ANO2: variants seen among roughly 807,000 people sequenced by gnomAD.
ANO2 encodes the protein anoctamin 2.
ANO2 carries 101 observed loss-of-function variants against 124.2 expected under a neutral mutation model. That is an observed-to-expected ratio of 0.81 (90% CI 0.69 to 0.96). The LOEUF is 0.96. Among genes scored for constraint, ANO2 ranks in the 40% least tolerant of loss-of-function variants. ANO2 has a pLI of 0.00. For missense variants in ANO2, 1,293 were observed against 1,274.5 expected, an observed-to-expected ratio of 1.01 and a Z score of -0.22; for synonymous variants, 486 against 482.5, an observed-to-expected ratio of 1.01 and a Z score of -0.09.
At chr12:5,768,058 G>C (rs1474216442) in intron 10 of ANO2, among the ~76,000 whole-genome samples, 1 of 152,144 alleles carries the variant, frequency 6.6e-6, no homozygotes, top group Non-Finnish European at 1.5e-5. Context: ...CCTACTATCT[G>C]GGCAGTGCCA....
chr12:5,618,314 T>C (rs1944939721), intron 16 of ANO2, among the ~76,000 whole-genome samples: 1 of 152,202 alleles, frequency 6.6e-6, no homozygotes, highest in African/African-American at 2.4e-5. Flanking sequence ...AGGAACCATC[T>C]GAAGGTCACC....
chr12:5,850,708 T>C (rs1019557355), intron 4 of ANO2, among the ~76,000 whole-genome samples: 9 of 152,156 alleles, frequency 5.9e-5, no homozygotes, highest in Non-Finnish European at 5.9e-5. Flanking sequence ...TGCCCTGTGA[T>C]TGTCGGCACC....
At chr12:5,755,386 AT>A (rs1322677472) in intron 10 of ANO2, among the ~76,000 whole-genome samples, 2 of 147,722 alleles carry the variant, frequency 1.4e-5, no homozygotes, top group South Asian at 2.1e-4. Context: ...ATTTTTATTT[AT>A]TTTATTTATT....
At chr12:5,629,236 G>A (rs1455220416) in intron 16 of ANO2, among the ~76,000 whole-genome samples, 1 of 152,210 alleles carries the variant, frequency 6.6e-6, no homozygotes, top group African/African-American at 2.4e-5. Flanking sequence ...AGAAGGAAAA[G>A]GAGGCAGCAA....
intron 14 of ANO2, among the ~76,000 whole-genome samples, chr12:5,721,241 G>A (rs553063881): frequency 6.6e-6 from 1 of 152,270 alleles, no homozygotes; most frequent in South Asian, 2.1e-4. Context: ...ATAAGAGAGA[G>A]AGAATATACA....
chr12:5,838,457 G>T (rs1954398938), intron 4 of ANO2, among the ~76,000 whole-genome samples: 1 of 152,150 alleles, frequency 6.6e-6, no homozygotes. Flanking sequence ...TCTGTCGGGG[G>T]ATGGAGCAGG....
rs187118412 is a variant in ANO2, at chr12:5,934,159, C to T, written c.22+11037G>A. ...CATGTATCAATTTATGTAATCTTCA[C>T]GATAACCCTGAGGTAGGTACCATTG... On this transcript the variant is annotated intron_variant, in intron 1 of 24. Transcript: ENST00000682330. 5.9e-5 allele frequency among the ~76,000 whole-genome samples: 9 copies of T among 152,236 alleles called. No individual in the cohort carries two copies. In the South Asian group the frequency reaches 1.0e-3, roughly 18 times the overall value.
chr12:5,613,486 T>C (rs1429944816), intron 17 of ANO2, among the ~76,000 whole-genome samples: 1 of 152,208 alleles, frequency 6.6e-6, no homozygotes, highest in Non-Finnish European at 1.5e-5. Context: ...ATTCCTCTTC[T>C]AAGTAGAGTC....
At chr12:5,573,202 C>T (rs113460250) in intron 23 of ANO2, among the ~76,000 whole-genome samples, 3,635 of 152,250 alleles carry the variant, frequency 0.024, 145 homozygotes, top group African/African-American at 0.082. Flanking sequence ...TTAGATCTAC[C>T]TTCAACTTCC....
chr12:5,888,639 G>A (rs1285555245), intron 3 of ANO2, among the ~76,000 whole-genome samples: 2 of 151,974 alleles, frequency 1.3e-5, no homozygotes, highest in Admixed American at 6.6e-5. Flanking sequence ...AGTTCTCCAC[G>A]TCCCCACTAG....
At chr12:5,685,504 G>T (rs558673397) in intron 14 of ANO2, among the ~76,000 whole-genome samples, 1 of 152,228 alleles carries the variant, frequency 6.6e-6, no homozygotes, top group African/African-American at 2.4e-5. Flanking sequence ...AGAGCCTGGG[G>T]CTGGGCACAG....
At chr12:5,702,836 T>C (rs1416754318) in intron 14 of ANO2, among the ~76,000 whole-genome samples, 1 of 152,170 alleles carries the variant, frequency 6.6e-6, no homozygotes, top group Admixed American at 6.5e-5. Flanking sequence ...TAATCATCAA[T>C]TGACAAAAAA....
At position 5,590,734 on chromosome 12, in the gene ANO2, C is replaced by G. The variant is rs147657730; in HGVS notation, c.2233+8750G>C. The stretch of plus-strand genomic sequence containing the variant: ...CTGGTCAACCGGAAGCAGCAAAGAC[C>G]TAGCCTCTGCAGCAAGCATCACTAG... On this transcript the variant is annotated intron_variant, in intron 20 of 24. Coordinates refer to ENST00000682330, the MANE Select transcript of ANO2 (RefSeq NM_001364791.2). Among the ~76,000 whole-genome samples, 706 of 152,288 alleles carry G rather than the reference C, an allele frequency of 4.6e-3. 7 individuals are homozygous for G. Among genetic ancestry groups the G allele is most frequent in the African/African-American group, 0.015 (623 of 41,554 alleles).
chr12:5,735,086 G>T lies in ANO2; in HGVS notation c.1435-2456C>A, dbSNP rs144735823. On this transcript the variant is annotated intron_variant, in intron 13 of 24. Transcript: ENST00000682330. Reference sequence around the variant, plus strand: ...GACCTCCCTCTTTGCAGCCAAGCAAGTGGGGTGAGGTTATGGAATCCCTCA... The same window carrying T: ...GACCTCCCTCTTTGCAGCCAAGCAATTGGGGTGAGGTTATGGAATCCCTCA... 1.1e-4 allele frequency among the ~76,000 whole-genome samples: 16 copies of T among 152,328 alleles called. No homozygotes were observed. In the East Asian group the frequency reaches 3.1e-3, roughly 29 times the overall value.
rs940021206 is a variant in ANO2 at position 5,563,135 on chromosome 12, A to G, written c.*164T>C. 1 of 948,648 alleles carries G rather than the reference A, an allele frequency of 1.1e-6. No individual in the cohort carries two copies. The highest frequency in any genetic ancestry group is 2.9e-5 in the Admixed American group (1 of 34,366). The allele number at this position is 948,648 out of a possible 1,614,324, so 58.8% of individuals were successfully genotyped here. A position where few individuals can be genotyped will look rare whatever the true frequency, so the allele number is the denominator to read the frequency against. On this transcript the variant is annotated 3_prime_UTR_variant, in exon 25 of 25. Transcript: ENST00000682330. Reference sequence around the variant, plus strand: ...TAGCATCATTTCTCTTCCTTCCTACACTCATTCTGTCAGGCTCTTTCTTTT... The same window carrying G: ...TAGCATCATTTCTCTTCCTTCCTACGCTCATTCTGTCAGGCTCTTTCTTTT...
At chr12:5,866,179 G>A (rs1378479230) in intron 3 of ANO2, among the ~76,000 whole-genome samples, 1 of 152,224 alleles carries the variant, frequency 6.6e-6, no homozygotes, top group African/African-American at 2.4e-5. Flanking sequence ...ATAATGGCCA[G>A]GATTTCTAGG....
intron 3 of ANO2, among the ~76,000 whole-genome samples, chr12:5,891,571 T>C (rs1302236408): frequency 6.6e-6 from 1 of 152,138 alleles, no homozygotes; most frequent in Non-Finnish European, 1.5e-5. Context: ...CCATAAGCTG[T>C]TCATGAACCC....
At chr12:5,735,773 A>C (rs189159484) in intron 13 of ANO2, among the ~76,000 whole-genome samples, 1 of 152,214 alleles carries the variant, frequency 6.6e-6, no homozygotes, top group Non-Finnish European at 1.5e-5. Context: ...GACAGAATGA[A>C]GGCCTGGGTA....
chr12:5,694,084 G>C (rs1286440452), intron 14 of ANO2, among the ~76,000 whole-genome samples: 1 of 152,046 alleles, frequency 6.6e-6, no homozygotes, highest in South Asian at 2.1e-4. Context: ...GCCTGCAACA[G>C]AGTGAGGCCT....
Sources: allele counts gnomAD v4.1 joint callset (sites outside exome capture counted in the v4.1 genomes callset), GRCh38; gene constraint gnomAD v4.1.1; transcripts MANE v1.5; gene names NCBI Gene and HGNC (gene_info 2026-07-23, HGNC 2026-07-21).